Variants in COQ8A observed in about 807,000 individuals in gnomAD.
The protein encoded by COQ8A is atypical kinase COQ8A, mitochondrial.
A neutral mutation model predicts 65.0 loss-of-function variants in COQ8A; 51 were observed. The observed-to-expected ratio is 0.78, with a 90% CI of 0.63 to 0.99. COQ8A has a LOEUF of 0.99. COQ8A is among the 50% of genes least tolerant of loss of function. COQ8A has a pLI of 0.00. For synonymous variants in COQ8A, 371 were observed against 353.2 expected, an observed-to-expected ratio of 1.05 and a Z score of -0.57; for missense variants, 940 against 875.0, an observed-to-expected ratio of 1.07 and a Z score of -0.94.
rs1659820364 is a variant in COQ8A at position 226,983,119 on chromosome 1, C to T, written c.1080+85C>T. The T allele has an allele frequency of 2.7e-6, 4 of 1,499,478 alleles. No homozygotes were observed. The Admixed American group carries it at 6.4e-5, about 24-fold the overall frequency. 92.9% of individuals were successfully genotyped at this position (1,499,478 alleles called of 1,614,324 possible). On this transcript the variant is annotated intron_variant, in intron 8 of 14. Transcript: ENST00000366777. ...CCTGGCTCATGGAGGCCTCTACACC[C>T]CACGTCCCGCAGGGCACCCTCTCTC...
At chr1:226,956,413 C>T (rs375241302) in intron 1 of COQ8A, among the ~76,000 whole-genome samples, 3 of 140,572 alleles carry the variant, frequency 2.1e-5, no homozygotes, top group African/African-American at 5.9e-5. Flanking sequence ...CCCTGGTTCC[C>T]GCTCTCCCTG....
chr1:226,950,403 T>C (rs1657305825), intron 1 of COQ8A, among the ~76,000 whole-genome samples: 1 of 152,230 alleles, frequency 6.6e-6, no homozygotes, highest in Non-Finnish European at 1.5e-5. Context: ...ACACACTGTT[T>C]TGCTCTTTTT....
intron 1 of COQ8A, among the ~76,000 whole-genome samples, chr1:226,954,118 A>G (rs1478759891): frequency 6.6e-6 from 1 of 152,238 alleles, no homozygotes; most frequent in East Asian, 1.9e-4. Flanking sequence ...ATATCATTAA[A>G]CAGTCCTTGC....
In COQ8A at chr1:226,972,283, G is replaced by A. The variant is rs575232426; in HGVS notation, c.656-5166G>A. On this transcript the variant is annotated intron_variant, in intron 4 of 14. Transcript: ENST00000366777. The surrounding 1 kb of genome is among the most constrained non-coding windows in gnomAD (Gnocchi z 4.3). ...GGGGAGAGAGGAAAAGGGGAGAGAGGAAGACAGGAAACAAAAAGTAAAGAA... is the reference window on the plus strand; with the variant it reads ...GGGGAGAGAGGAAAAGGGGAGAGAGAAAGACAGGAAACAAAAAGTAAAGAA... Among the ~76,000 whole-genome samples the A allele has an allele frequency of 7.9e-5, 12 of 152,196 alleles. No individual in the cohort carries two copies. Among genetic ancestry groups the A allele is most frequent in the African/African-American group, 2.9e-4 (12 of 41,522 alleles).
At chr1:226,978,835 T>C (rs1659501776) in intron 5 of COQ8A, among the ~76,000 whole-genome samples, 2 of 95,006 alleles carry the variant, frequency 2.1e-5, no homozygotes, top group African/African-American at 8.1e-5. Context: ...CACACCTCCT[T>C]ACACACCCAC....
intron 1 of COQ8A, among the ~76,000 whole-genome samples, chr1:226,942,443 C>G (rs908279281): frequency 7.9e-5 from 12 of 152,126 alleles, no homozygotes; most frequent in Admixed American, 1.3e-4. Context: ...AATTAGAAGA[C>G]TGGTAGCTTC....
chr1:226,979,848 A>G (rs1659583148), intron 5 of COQ8A, among the ~76,000 whole-genome samples: 1 of 152,202 alleles, frequency 6.6e-6, no homozygotes, highest in African/African-American at 2.4e-5. Flanking sequence ...ACTCTCTGGG[A>G]AATGAAGCCT....
intron 4 of COQ8A, among the ~76,000 whole-genome samples, chr1:226,968,092 G>C (rs1215129785): frequency 1.3e-5 from 2 of 152,196 alleles, no homozygotes; most frequent in African/African-American, 4.8e-5. Flanking sequence ...AGCACTTTGG[G>C]AGGCCGAGGT....
At position 226,986,763 on chromosome 1, in the gene COQ8A, T is replaced by C; in HGVS notation, c.*26T>C. 6.2e-7 allele frequency: 1 copy of C among 1,606,162 alleles called. No homozygotes were observed. Among genetic ancestry groups the C allele is most frequent in the South Asian group, 1.1e-5 (1 of 90,604 alleles). ...GGCTGCGGGCCACGCCCAGGCCGGC[T>C]CCGCGGGAACTCTCTCCCTCAGACA... On this transcript the variant is annotated 3_prime_UTR_variant, in exon 15 of 15. Transcript: ENST00000366777.
chr1:226,978,473 A>C (rs1404405461), intron 5 of COQ8A, among the ~76,000 whole-genome samples: 18 of 114,696 alleles, frequency 1.6e-4, no homozygotes, highest in South Asian at 5.9e-4. Flanking sequence ...ACACCCACCA[A>C]ATACCTGCAC....
intron 5 of COQ8A, among the ~76,000 whole-genome samples, chr1:226,979,449 G>T (rs1386331666): frequency 6.6e-6 from 1 of 152,236 alleles, no homozygotes; most frequent in Non-Finnish European, 1.5e-5. Flanking sequence ...GTGGAGAGCA[G>T]TGCCAAGGGA....
At chr1:226,948,245 T>C (rs1299655660) in intron 1 of COQ8A, among the ~76,000 whole-genome samples, 1 of 152,354 alleles carries the variant, frequency 6.6e-6, no homozygotes, top group Admixed American at 6.5e-5. Context: ...GCCTAGAGGC[T>C]GCCTGCATTC....
In COQ8A at chr1:226,976,183, CGGG is replaced by C. The variant is rs1659198033; in HGVS notation, c.656-1265_656-1263del. Among the ~76,000 whole-genome samples, 13 of 6,952 alleles carry C rather than the reference CGGG, an allele frequency of 1.9e-3. 2 individuals are homozygous for C. The highest frequency in any genetic ancestry group is 0.083 in the Middle Eastern group (1 of 12). The allele number at this position is 6,952 out of a possible 152,430, so 4.6% of individuals were successfully genotyped here. A position where few individuals can be genotyped will look rare whatever the true frequency, so the allele number is the denominator to read the frequency against. ...GCGATGTTGCCTGGCTGCGGGGCTGCGGGACTGCGGGGCTGTGGGACTGCGATG... is the reference window on the plus strand; with the variant it reads ...GCGATGTTGCCTGGCTGCGGGGCTGCACTGCGGGGCTGTGGGACTGCGATG... On this transcript the variant is annotated intron_variant, in intron 4 of 14. Coordinates refer to ENST00000366777, the MANE Select transcript of COQ8A (RefSeq NM_020247.5).
In COQ8A at chr1:226,986,727, C is replaced by G. The variant is rs1370337343; in HGVS notation, c.1934C>G (p.Ala645Gly). The G allele has an allele frequency of 6.2e-7, 1 of 1,613,130 alleles. No individual in the cohort carries two copies. The highest frequency in any genetic ancestry group is 1.3e-5 in the African/African-American group (1 of 74,936). ...TACAGCAACTACTGCAAGAGGCAGG[C>G]CCAGCAGTAGGGCTGCGGGCCACGC... ...EAYSNYCKRQ[A>G]QQ Residue 645 changes from alanine (A) to glycine (G), a missense_variant, in exon 15 of 15, where the codon GCC becomes GGC. Physicochemically the swap from Ala to Gly is moderately conservative, Grantham distance 60. Transcript: ENST00000366777.
chr1:226,951,820 C>T (rs918188589), intron 1 of COQ8A, among the ~76,000 whole-genome samples: 3 of 151,854 alleles, frequency 2.0e-5, no homozygotes, highest in East Asian at 3.9e-4. Context: ...CATATGTAAA[C>T]GAATGAGCTA....
At chr1:226,958,047 A>T (rs1657918269) in intron 1 of COQ8A, 1 of 152,136 alleles carries the variant, frequency 6.6e-6, no homozygotes, top group African/African-American at 2.4e-5. Flanking sequence ...TTCAATAAAG[A>T]CATTTATTTA....
At position 226,986,852 on chromosome 1, in the gene COQ8A, G is replaced by A. The variant is rs1407735985; in HGVS notation, c.*115G>A. 7 of 1,349,550 alleles carry A rather than the reference G, an allele frequency of 5.2e-6. No homozygotes were observed. The Admixed American group carries it at 1.0e-4, about 19-fold the overall frequency. 83.6% of individuals were successfully genotyped at this position (1,349,550 alleles called of 1,614,324 possible). A position where few individuals can be genotyped will look rare whatever the true frequency, so the allele number is the denominator to read the frequency against. ...TTAACTCCTTTGCCCAATAAGGGGG[G>A]TGGCTGCCTGGAGCCCCGTAGCCAG... On this transcript the variant is annotated 3_prime_UTR_variant, in exon 15 of 15. Coordinates refer to ENST00000366777, the MANE Select transcript of COQ8A (RefSeq NM_020247.5).
In COQ8A at chr1:226,965,749, G is replaced by A. The variant is rs754776488; in HGVS notation, c.655+12G>A. 3.1e-6 allele frequency: 5 copies of A among 1,612,958 alleles called. No homozygotes were observed. Among genetic ancestry groups the A allele is most frequent in the African/African-American group, 1.3e-5 (1 of 74,932 alleles). ...GGCCAACTTCGGAGGTAAGGTGGCT[G>A]TGTGCCCCTGGACTGCCTCACCTGC... is the stretch of plus-strand genomic sequence containing the variant. On this transcript the variant is annotated intron_variant, in intron 4 of 14. Transcript: ENST00000366777.
At position 226,984,901 on chromosome 1, in the gene COQ8A, C is replaced by T. The variant is rs578189699; in HGVS notation, c.1532C>T (p.Thr511Met). The T allele has an allele frequency of 5.5e-5, 88 of 1,614,040 alleles. No individual in the cohort carries two copies. Among genetic ancestry groups the T allele is most frequent in the Admixed American group, 1.5e-4 (9 of 60,004 alleles). Residue 511 changes from threonine (T) to methionine (M), a missense_variant, in exon 13 of 15, where the codon ACG becomes ATG. Thr to Met is a moderately conservative substitution (Grantham distance 81). Transcript: ENST00000366777. ...GTGGCTCTTTTGGATTTTGGGGCAA[C>T]GCGGGAATATGACAGATCCTTCACC... ...HKVALLDFGA[T>M]REYDRSFTDL... is the part of the protein sequence containing the mutation.
Sources: gnomAD v4.1 joint callset for allele counts (sites outside exome capture counted in the v4.1 genomes callset) on GRCh38, gnomAD v4.1.1 for gene constraint, Gnocchi (gnomAD v3.1) non-coding constraint, MANE v1.5 for transcripts, NCBI Gene and HGNC (gene_info 2026-07-23, HGNC 2026-07-21) for gene names.